Variants in RNGTT observed in about 807,000 individuals in gnomAD.
RNGTT encodes RNA guanylyltransferase and 5'-phosphatase.
A neutral mutation model predicts 79.3 loss-of-function variants in RNGTT; 33 were observed. The ratio of observed to expected loss-of-function variants is 0.42; its 90% CI spans 0.32 to 0.56. RNGTT has a LOEUF of 0.56. Among genes scored for constraint, RNGTT ranks in the 20% least tolerant of loss-of-function variants. The pLI is 0.17. For synonymous variants in RNGTT, 222 were observed against 235.9 expected, an observed-to-expected ratio of 0.94 and a Z score of 0.54; for missense variants, 497 against 739.1, an observed-to-expected ratio of 0.67 and a Z score of 3.80.
At position 88,612,733 on chromosome 6, in the gene RNGTT, G is replaced by A. The variant is rs1161894027; in HGVS notation, c.1780C>T (p.Arg594Cys). Residue 594 changes from arginine (R) to cysteine (C), a missense_variant, in exon 16 of 16, where the codon CGC becomes TGC. Physicochemically the swap from Arg to Cys is radical, Grantham distance 180. Coordinates refer to ENST00000369485, the MANE Select transcript of RNGTT (RefSeq NM_003800.5). ...LMPPPPPKRP[R>C]PLT The stretch of plus-strand genomic sequence containing the variant: ...ACAGGCAGGTCTTAGGTTAAAGGGC[G>A]TGGTCTTTTGGGAGGTGGTGGTGGC... The A allele has an allele frequency of 1.4e-5, 22 of 1,612,448 alleles. No individual in the cohort carries two copies. Among genetic ancestry groups the A allele is most frequent in the East Asian group, 1.3e-4 (6 of 44,894 alleles).
Position 88,929,044 on chromosome 6 carries a change from G to A in RNGTT, c.308C>T (p.Thr103Ile). ...CTCACACAGACGAATAAAGGTCTCA[G>A]TATTCTCAGTGGTAGGGCACTCACC... Reference protein sequence around the residue: ...GHGECPTTENTETFIRLCERF... With the variant: ...GHGECPTTENIETFIRLCERF... The change falls in exon 4 of 16, where the codon ACT becomes ATT. Residue 103 changes from threonine to isoleucine, a missense_variant. Physicochemically the swap from Thr to Ile is moderately conservative, Grantham distance 89 (BLOSUM62 -1). This residue lies in a region of RNGTT where 440 missense variants were observed against 671.5 expected (regional missense o/e 0.66). Coordinates refer to ENST00000369485, the MANE Select transcript of RNGTT (RefSeq NM_003800.5). 1 of 1,612,978 alleles carries A rather than the reference G, an allele frequency of 6.2e-7. No individual in the cohort carries two copies. Among genetic ancestry groups the A allele is most frequent in the Non-Finnish European group, 8.5e-7 (1 of 1,179,498 alleles).
chr6:88,686,883 A>G (rs969882262), intron 13 of RNGTT, among the ~76,000 whole-genome samples: 3 of 152,152 alleles, frequency 2.0e-5, no homozygotes, highest in Non-Finnish European at 4.4e-5. Context: ...GAGAAACCTT[A>G]CAAGTATTAA....
intron 13 of RNGTT, among the ~76,000 whole-genome samples, chr6:88,704,259 C>CAAAAAAAAAAAAA (rs35623392): frequency 4.1e-5 from 2 of 48,728 alleles, no homozygotes; most frequent in African/African-American, 1.3e-4. Context: ...GACTCTGTCT[C>CAAAAAAAAAAAAA]AAAAAAAAAA....
chr6:88,801,471 G>C (rs1779780251), intron 12 of RNGTT, 93 bp downstream of exon 12: 2 of 883,520 alleles, frequency 2.3e-6, no homozygotes, highest in Non-Finnish European at 3.5e-6. Context: ...ATAAGTTTGA[G>C]GCATACATGT....
At chr6:88,912,622 A>G (rs1020621490) in intron 4 of RNGTT, among the ~76,000 whole-genome samples, 1 of 152,202 alleles carries the variant, frequency 6.6e-6, no homozygotes, top group African/African-American at 2.4e-5. Flanking sequence ...AAGGATAAAC[A>G]AGATTGACAG....
intron 1 of RNGTT, among the ~76,000 whole-genome samples, chr6:88,948,598 C>T (rs1489908353): frequency 2.0e-5 from 3 of 146,668 alleles, no homozygotes; most frequent in Non-Finnish European, 4.6e-5. Flanking sequence ...GCCACCACCC[C>T]GTCTGGGAGG....
intron 14 of RNGTT, among the ~76,000 whole-genome samples, chr6:88,625,032 A>T (rs1256447709): frequency 6.6e-6 from 1 of 151,978 alleles, no homozygotes; most frequent in Non-Finnish European, 1.5e-5. Context: ...CTGAGATACT[A>T]TATATACCTA....
At chr6:88,949,329 C>T (rs1346409376) in intron 1 of RNGTT, among the ~76,000 whole-genome samples, 3 of 146,102 alleles carry the variant, frequency 2.1e-5, no homozygotes, top group Non-Finnish European at 3.0e-5. Context: ...AGCACAACCT[C>T]GGCTCACTAC....
intron 10 of RNGTT, among the ~76,000 whole-genome samples, chr6:88,847,928 A>G (rs1781538727): frequency 6.6e-6 from 1 of 151,956 alleles, no homozygotes; most frequent in Non-Finnish European, 1.5e-5. Context: ...ACTTGCAATT[A>G]AGTTACAAAA....
intron 4 of RNGTT, among the ~76,000 whole-genome samples, chr6:88,909,773 C>T (rs1447906493): frequency 6.6e-6 from 1 of 152,080 alleles, no homozygotes; most frequent in East Asian, 1.9e-4. Context: ...ATTTAAGCAC[C>T]AACTGCAGCT....
At chr6:88,693,169 A>T (rs915848602) in intron 13 of RNGTT, among the ~76,000 whole-genome samples, 1 of 152,052 alleles carries the variant, frequency 6.6e-6, no homozygotes, top group Non-Finnish European at 1.5e-5. Context: ...AAAATAGAAG[A>T]ATAAATCAAT....
chr6:88,860,150 G>C (rs1362588565), intron 8 of RNGTT, among the ~76,000 whole-genome samples: 1 of 152,168 alleles, frequency 6.6e-6, no homozygotes, highest in Admixed American at 6.6e-5. Flanking sequence ...AATAATTTTA[G>C]AGATAAATAG....
intron 13 of RNGTT, among the ~76,000 whole-genome samples, chr6:88,739,727 A>ATT (rs1244260839): frequency 0.028 from 214 of 7,510 alleles, 3 homozygotes; most frequent in African/African-American, 0.095. Context: ...GAAAAAAATT[A>ATT]TATATATATA....
chr6:88,614,916 CAATT>C (rs1772163198), intron 14 of RNGTT, among the ~76,000 whole-genome samples: 1 of 152,186 alleles, frequency 6.6e-6, no homozygotes, highest in East Asian at 1.9e-4. Flanking sequence ...CAAGCAGTGA[CAATT>C]AACCAACAAT....
intron 1 of RNGTT, among the ~76,000 whole-genome samples, chr6:88,948,610 G>A (rs1481911814): frequency 1.6e-4 from 24 of 146,676 alleles, no homozygotes; most frequent in African/African-American, 6.0e-4. Flanking sequence ...TCTGGGAGGT[G>A]TGCCCAACAG....
At chr6:88,948,920 C>G (rs7452865) in intron 1 of RNGTT, among the ~76,000 whole-genome samples, 2 of 90,388 alleles carry the variant, frequency 2.2e-5, no homozygotes, top group Admixed American at 1.3e-4. Flanking sequence ...GCAGCATGCT[C>G]GTTAAGAGTC....
chr6:88,841,922 A>G (rs1781306780), intron 11 of RNGTT, among the ~76,000 whole-genome samples: 1 of 152,234 alleles, frequency 6.6e-6, no homozygotes, highest in Non-Finnish European at 1.5e-5. Context: ...AATGTTTATC[A>G]GTATACAATC....
At chr6:88,941,221 T>C (rs368209751) in intron 1 of RNGTT, 41 bp from the exon 2 acceptor site, 8 of 1,271,842 alleles carry the variant, frequency 6.3e-6, no homozygotes, top group African/African-American at 3.0e-5. Context: ...TAAAAGGAAA[T>C]GTTTCAGATT....
At chr6:88,903,588 T>G (rs1783545744) in intron 6 of RNGTT, among the ~76,000 whole-genome samples, 1 of 152,204 alleles carries the variant, frequency 6.6e-6, no homozygotes, top group African/African-American at 2.4e-5. Context: ...CCTTATAGTC[T>G]TAAAATTTAA....
Sources: gnomAD v4.1 joint callset for allele counts (sites outside exome capture counted in the v4.1 genomes callset) on GRCh38, gnomAD v4.1.1 for gene constraint, gnomAD v4.1.1 regional missense constraint, MANE v1.5 for transcripts, NCBI Gene and HGNC (gene_info 2026-07-23, HGNC 2026-07-21) for gene names.